Variants in ZC4H2 observed in about 807,000 individuals in gnomAD.
The protein encoded by ZC4H2 is zinc finger C4H2-type containing.
For synonymous variants in ZC4H2, 84 were observed against 66.3 expected (o/e 1.27, Z -1.30); for missense variants, 137 against 173.9 (o/e 0.79, Z 1.19).
chrX:64,925,729 T>C (rs1288955985), intron 1 of ZC4H2, among the ~76,000 whole-genome samples: 1 of 112,334 alleles, frequency 8.9e-6, no homozygotes, highest in Non-Finnish European at 1.9e-5. Flanking sequence ...TTTCACCTCA[T>C]GTGTCCAGGG....
At chrX:64,935,308 A>T (rs1929951372) in intron 1 of ZC4H2, among the ~76,000 whole-genome samples, 1 of 112,031 alleles carries the variant, frequency 8.9e-6, no homozygotes, top group South Asian at 3.7e-4. Context: ...TCTGAAAAAA[A>T]GGCAGGAGCC....
rs191540014 is a variant in ZC4H2, at chrX:65,001,171, A to G, written c.-272+33458T>C. Among the ~76,000 whole-genome samples the G allele has an allele frequency of 8.4e-4, 94 of 111,437 alleles. 1 individual carries two copies. The highest frequency in any genetic ancestry group is 2.9e-3 in the African/African-American group (90 of 30,601). ...AGGTTGAAACAAAGGAAAAAATGTT[A>G]AGGGCAGCCAGAGAGAAAGGTCAGG... On this transcript the variant is annotated intron_variant, in intron 1 of 4. Transcript: ENST00000337990.
chrX:64,922,070 A>T (rs1428114876), intron 1 of ZC4H2, 82 bp from the exon 2 acceptor site: 1 of 1,149,542 alleles, frequency 8.7e-7, no homozygotes, highest in Non-Finnish European at 1.2e-6. Flanking sequence ...TTTCTAAGCC[A>T]TCTTTACAAG....
rs141230846 is a variant in ZC4H2 at position 64,918,167 on chromosome X, C to G, written c.562-271G>C. ...ACATCTTTTCGTCATTATAATGAAG[C>G]ATTGTCTAACAGGCCCACTTAAGGA... On this transcript the variant is annotated intron_variant, in intron 4 of 4. Transcript: ENST00000374839. 701 of 246,555 alleles carry G rather than the reference C, an allele frequency of 2.8e-3. 5 individuals carry two copies. Among genetic ancestry groups the G allele is most frequent in the African/African-American group, 0.018 (632 of 35,483 alleles). The allele number at this position is 246,555 out of a possible 1,213,427, so 20.3% of individuals were successfully genotyped here. A position where few individuals can be genotyped will look rare whatever the true frequency, so the allele number is the denominator to read the frequency against.
chrX:64,927,216 G>T (rs1929465186), intron 1 of ZC4H2, among the ~76,000 whole-genome samples: 2 of 110,457 alleles, frequency 1.8e-5, no homozygotes, highest in African/African-American at 6.6e-5. Context: ...CATATGCCAT[G>T]GTGGTTTGCT....
At chrX:64,953,816 G>A (rs1930992698) in intron 1 of ZC4H2, among the ~76,000 whole-genome samples, 1 of 111,349 alleles carries the variant, frequency 9.0e-6, no homozygotes, top group Admixed American at 9.6e-5. Flanking sequence ...TCCCCTTACT[G>A]GGTATATACC....
intron 1 of ZC4H2, among the ~76,000 whole-genome samples, chrX:64,946,549 T>G (rs769991603): frequency 9.4e-6 from 1 of 106,216 alleles, no homozygotes; most frequent in South Asian, 4.4e-4. Flanking sequence ...TTCAGCCATC[T>G]TGGAAAAACC....
chrX:64,998,369 C>A (rs1238731455), intron 1 of ZC4H2, among the ~76,000 whole-genome samples: 1 of 111,500 alleles, frequency 9.0e-6, no homozygotes, highest in Non-Finnish European at 1.9e-5. Context: ...TGTGGCTATA[C>A]TAATGTCAGA....
intron 1 of ZC4H2, among the ~76,000 whole-genome samples, chrX:64,934,473 T>A (rs936186621): frequency 3.6e-5 from 4 of 112,423 alleles, no homozygotes; most frequent in Non-Finnish European, 7.5e-5. Flanking sequence ...GTTATTATTC[T>A]TTTGATGCCT....
Position 64,919,444 on chromosome X carries a change from A to G in ZC4H2, c.399-240T>C, listed in dbSNP as rs749534903. The stretch of plus-strand genomic sequence containing the variant: ...AAGACCAAGAAATCTTAGGGCTAGC[A>G]AGATCCTTAAAGGGTATTCAGTCCT... On this transcript the variant is annotated intron_variant, in intron 3 of 4. Transcript: ENST00000374839. 3.9e-4 allele frequency: 138 copies of G among 357,904 alleles called. 2 individuals carry two copies. Among genetic ancestry groups the G allele is most frequent in the African/African-American group, 3.3e-3 (126 of 38,458 alleles). 29.5% of individuals were successfully genotyped at this position (357,904 alleles called of 1,213,427 possible).
At position 65,024,136 on chromosome X, in the gene ZC4H2, C is replaced by A. The variant is rs186082239; in HGVS notation, c.-272+10493G>T. ...TGGGGGGGCACTAGGGGAGGGATAG[C>A]ATTAGGAGAAATACCTAATGTAGAT... On this transcript the variant is annotated intron_variant, in intron 1 of 4. Coordinates refer to the ZC4H2 transcript ENST00000337990. Among the ~76,000 whole-genome samples, 399 of 110,223 alleles carry A rather than the reference C, an allele frequency of 3.6e-3. 1 individual carries two copies. Among genetic ancestry groups the A allele is most frequent in the Non-Finnish European group, 6.4e-3 (339 of 52,672 alleles).
In ZC4H2 at chrX:64,943,090, CT is replaced by C. The variant is rs752131436; in HGVS notation, c.54-21103del. 3.3e-3 allele frequency among the ~76,000 whole-genome samples: 368 copies of C among 111,915 alleles called. 3 individuals carry two copies. Among genetic ancestry groups the C allele is most frequent in the African/African-American group, 0.011 (354 of 30,808 alleles). On this transcript the variant is annotated intron_variant, in intron 1 of 4. Coordinates refer to ENST00000374839, the MANE Select transcript of ZC4H2 (RefSeq NM_018684.4). The stretch of plus-strand genomic sequence containing the variant: ...TTCTCTAATGACCAGTGATGATGAG[CT>C]TTTTTTCATGTTTGTTGGCTGCATA...
At chrX:64,980,197 T>C (rs189541760), upstream of ZC4H2, among the ~76,000 whole-genome samples, 6 of 112,507 alleles carry the variant, frequency 5.3e-5, no homozygotes, top group Non-Finnish European at 1.1e-4. Context: ...GCACCTATGA[T>C]ATGTCAGGAA....
chrX:64,982,227 A>G (rs1569223574), intron 1 of ZC4H2, among the ~76,000 whole-genome samples: 1 of 111,810 alleles, frequency 8.9e-6, no homozygotes, highest in Non-Finnish European at 1.9e-5. Context: ...TCTAGCTCCA[A>G]TGACCTTCCG....
chrX:64,975,843 C>T (rs1931929585), intron 1 of ZC4H2, among the ~76,000 whole-genome samples: 1 of 111,136 alleles, frequency 9.0e-6, no homozygotes, highest in Non-Finnish European at 1.9e-5. Flanking sequence ...CCCAGCTCCG[C>T]CCGCTGAGAT....
chrX:64,946,609 AC>A (rs1930547403), intron 1 of ZC4H2, among the ~76,000 whole-genome samples: 1 of 110,160 alleles, frequency 9.1e-6, no homozygotes, highest in South Asian at 3.9e-4. Flanking sequence ...ACACACACAC[AC>A]ACACGTCTAT....
chrX:64,964,365 C>A (rs1931512603), intron 1 of ZC4H2, among the ~76,000 whole-genome samples: 1 of 111,182 alleles, frequency 9.0e-6, no homozygotes, highest in African/African-American at 3.3e-5. Flanking sequence ...CCAATAGATT[C>A]ATCAAGCTCC....
chrX:65,022,775 C>T (rs1343482509), intron 1 of ZC4H2, among the ~76,000 whole-genome samples: 1 of 111,801 alleles, frequency 8.9e-6, no homozygotes, highest in Non-Finnish European at 1.9e-5. Flanking sequence ...AACTACAAAC[C>T]ACTGCTCAAG....
At chrX:65,003,435 G>A (rs1224233069) in intron 1 of ZC4H2, among the ~76,000 whole-genome samples, 1 of 111,730 alleles carries the variant, frequency 9.0e-6, no homozygotes, top group Non-Finnish European at 1.9e-5. Context: ...TAAAGTCAGA[G>A]CAGAACTGAA....
Sources: gnomAD v4.1 joint callset for allele counts (sites outside exome capture counted in the v4.1 genomes callset) on GRCh38, gnomAD v4.1.1 for gene constraint, MANE v1.5 for transcripts, NCBI Gene and HGNC (gene_info 2026-07-23, HGNC 2026-07-21) for gene names.